TSHZ2: variants seen among roughly 807,000 people sequenced by gnomAD.
TSHZ2 encodes teashirt homolog 2.
Under a neutral mutation model 74.4 loss-of-function variants are expected in TSHZ2, and 21 were observed. That is an observed-to-expected ratio of 0.28 (90% CI 0.20 to 0.41). The LOEUF is 0.41. Ranked by LOEUF, TSHZ2 falls within the 10% of genes least tolerant of loss-of-function variation. The probability of loss-of-function intolerance (pLI) is 1.00; values close to 1 mark genes in which losing one functional copy is unlikely to be tolerated. For synonymous variants in TSHZ2, 540 were observed against 515.3 expected (o/e 1.05, Z -0.65); for missense variants, 1,244 against 1,293.5 (o/e 0.96, Z 0.59).
intron 2 of TSHZ2, among the ~76,000 whole-genome samples, chr20:53,370,963 T>C (rs988664003): frequency 2.0e-5 from 3 of 152,202 alleles, no homozygotes; most frequent in Non-Finnish European, 4.4e-5. Flanking sequence ...ACACTCCCTC[T>C]GAAGATGCTA....
At chr20:53,341,781 A>G (rs1980215259) in intron 2 of TSHZ2, among the ~76,000 whole-genome samples, 1 of 151,890 alleles carries the variant, frequency 6.6e-6, no homozygotes, top group Non-Finnish European at 1.5e-5. Context: ...TGTGACCTCA[A>G]CTCACTGCAA....
chr20:53,178,989 G>A (rs998407268), intron 1 of TSHZ2: 2 of 152,180 alleles, frequency 1.3e-5, no homozygotes, highest in Non-Finnish European at 2.9e-5. Flanking sequence ...AACATAAGCT[G>A]TAGTTTTAGT....
chr20:53,240,511 C>T (rs918121889), intron 1 of TSHZ2, among the ~76,000 whole-genome samples: 1 of 152,064 alleles, frequency 6.6e-6, no homozygotes, highest in Non-Finnish European at 1.5e-5. Context: ...CCCTTTGTAC[C>T]TCCTAAGGGT....
intron 2 of TSHZ2, among the ~76,000 whole-genome samples, chr20:53,293,799 C>A (rs1380087052): frequency 6.6e-6 from 1 of 151,630 alleles, no homozygotes; most frequent in Non-Finnish European, 1.5e-5. Context: ...TGGCAGATCA[C>A]GAGGTCAGGA....
At chr20:53,071,516 T>C (rs114018658) in intron 1 of TSHZ2, among the ~76,000 whole-genome samples, 3,047 of 152,326 alleles carry the variant, frequency 0.02, 62 homozygotes, top group South Asian at 0.081. Context: ...TCTTCCTCCT[T>C]CTTTCCTGTT....
chr20:53,138,510 T>G (rs1394370429), intron 1 of TSHZ2, among the ~76,000 whole-genome samples: 2 of 152,184 alleles, frequency 1.3e-5, no homozygotes, highest in African/African-American at 4.8e-5. Flanking sequence ...TCTCTCACCC[T>G]TAGTCACATC....
In TSHZ2 at chr20:53,291,472, C is replaced by CA. The variant is rs11478745; in HGVS notation, c.*8+34920dup. 7.7e-3 allele frequency among the ~76,000 whole-genome samples: 781 copies of CA among 101,690 alleles called. 7 individuals carry two copies. The highest frequency in any genetic ancestry group is 0.011 in the Non-Finnish European group (530 of 48,054). 66.7% of individuals were successfully genotyped at this position (101,690 alleles called of 152,430 possible). A position where few individuals can be genotyped will look rare whatever the true frequency, so the allele number is the denominator to read the frequency against. ...TGGACGATAGAGCAAGACTCTGTCT[C>CA]AAAAAAAAAAAAAAAAAAAGATCAA... On this transcript the variant is annotated intron_variant, in intron 2 of 2. Coordinates refer to ENST00000371497, the MANE Select transcript of TSHZ2 (RefSeq NM_173485.6).
rs374859904 is a variant in TSHZ2 at position 53,445,682 on chromosome 20, A to T, written c.*9-41462A>T. 1.4e-3 allele frequency among the ~76,000 whole-genome samples: 207 copies of T among 152,310 alleles called. 1 individual carries two copies. Among genetic ancestry groups the T allele is most frequent in the African/African-American group, 4.4e-3 (184 of 41,566 alleles). Reference sequence around the variant, plus strand: ...GTCCATATGGTGTCTGAGCTGGCCGACAATGCTGGAACTGTGCAAACTGGC... The same window carrying T: ...GTCCATATGGTGTCTGAGCTGGCCGTCAATGCTGGAACTGTGCAAACTGGC... On this transcript the variant is annotated intron_variant, in intron 2 of 2. Coordinates refer to ENST00000371497, the MANE Select transcript of TSHZ2 (RefSeq NM_173485.6).
chr20:53,320,939 G>A (rs940456931), intron 2 of TSHZ2, among the ~76,000 whole-genome samples: 2 of 152,122 alleles, frequency 1.3e-5, no homozygotes, highest in Non-Finnish European at 2.9e-5. Context: ...GCTGGCCAGT[G>A]CCCATGTACG....
chr20:53,450,928 A>G (rs1406430978), intron 2 of TSHZ2, among the ~76,000 whole-genome samples: 1 of 151,984 alleles, frequency 6.6e-6, no homozygotes, highest in Non-Finnish European at 1.5e-5. Flanking sequence ...TACAGTGTCC[A>G]CTTTTCTCTA....
intron 1 of TSHZ2, among the ~76,000 whole-genome samples, chr20:53,184,655 TCA>T (rs1321191272): frequency 2.0e-5 from 3 of 152,176 alleles, no homozygotes; most frequent in Non-Finnish European, 4.4e-5. Flanking sequence ...CCTGCTATTT[TCA>T]GTCAACAATC....
intron 2 of TSHZ2, among the ~76,000 whole-genome samples, chr20:53,416,911 C>A (rs1983274736): frequency 6.6e-6 from 1 of 152,172 alleles, no homozygotes; most frequent in Non-Finnish European, 1.5e-5. Flanking sequence ...AGAATTAATT[C>A]TTGAAAAAGG....
chr20:53,052,937 C>T (rs1045014803), intron 1 of TSHZ2, among the ~76,000 whole-genome samples: 6 of 152,154 alleles, frequency 3.9e-5, no homozygotes, highest in Admixed American at 6.6e-5. Context: ...AACAGTGTTT[C>T]GCATGTTCAC....
chr20:53,094,700 T>C (rs1326740935), intron 1 of TSHZ2, among the ~76,000 whole-genome samples: 1 of 152,188 alleles, frequency 6.6e-6, no homozygotes, highest in African/African-American at 2.4e-5. Context: ...ATAACAGGTG[T>C]CAAAAATGCT....
chr20:53,475,804 C>T lies in TSHZ2; in HGVS notation c.*9-11340C>T, dbSNP rs1288184429. Among the ~76,000 whole-genome samples the T allele has an allele frequency of 1.6e-4, 23 of 139,460 alleles. 2 individuals are homozygous for T. The highest frequency in any genetic ancestry group is 2.9e-4 in the Admixed American group (4 of 14,004). The allele number at this position is 139,460 out of a possible 152,430, so 91.5% of individuals were successfully genotyped here. ...AAAAGAGAGAAGAATCAAATAGACG[C>T]AATAAAAAATGACAAAGGGGATATC... On this transcript the variant is annotated intron_variant, in intron 2 of 2. Transcript: ENST00000371497.
intron 1 of TSHZ2, among the ~76,000 whole-genome samples, chr20:53,119,755 G>T (rs1176614017): frequency 2.6e-5 from 4 of 152,160 alleles, no homozygotes; most frequent in East Asian, 1.9e-4. Flanking sequence ...GCTAGAAAAT[G>T]TTAAATCACA....
At chr20:53,460,273 T>C (rs1221351783) in intron 2 of TSHZ2, among the ~76,000 whole-genome samples, 1 of 152,118 alleles carries the variant, frequency 6.6e-6, no homozygotes, top group East Asian at 1.9e-4. Flanking sequence ...TTCTTTTTTC[T>C]CTAAACTTCC....
chr20:53,263,545 C>T (rs1326908958), intron 2 of TSHZ2, among the ~76,000 whole-genome samples: 2 of 152,108 alleles, frequency 1.3e-5, no homozygotes, highest in African/African-American at 2.4e-5. Flanking sequence ...GTGTTCTAGT[C>T]GAGAGGGTTT....
At chr20:53,329,332 A>G (rs1451355394) in intron 2 of TSHZ2, among the ~76,000 whole-genome samples, 1 of 152,190 alleles carries the variant, frequency 6.6e-6, no homozygotes, top group Non-Finnish European at 1.5e-5. Flanking sequence ...TAATCACAAA[A>G]TTAACTTAAA....
Sources: gnomAD v4.1 joint callset for allele counts (sites outside exome capture counted in the v4.1 genomes callset) on GRCh38, gnomAD v4.1.1 for gene constraint, MANE v1.5 for transcripts, NCBI Gene and HGNC (gene_info 2026-07-23, HGNC 2026-07-21) for gene names.